Variants in GABRG3 observed in about 807,000 individuals in gnomAD.
GABRG3 encodes the protein gamma-aminobutyric acid type A receptor subunit gamma3, also known as gamma-aminobutyric acid receptor subunit gamma-3.
Under a neutral mutation model 48.8 loss-of-function variants are expected in GABRG3, and 25 were observed. The observed-to-expected ratio is 0.51, with a 90% confidence interval of 0.37 to 0.72. GABRG3 has a LOEUF of 0.72. GABRG3 is among the 30% of genes least tolerant of loss of function. The probability of loss-of-function intolerance (pLI) is 0.00; values close to 1 mark genes in which losing one functional copy is unlikely to be tolerated. For missense variants in GABRG3, 394 were observed against 577.9 expected (o/e 0.68, Z 3.26); for synonymous variants, 227 against 217.6 (o/e 1.04, Z -0.38).
At chr15:27,022,181 G>A (rs1370789067) in intron 2 of GABRG3, among the ~76,000 whole-genome samples, 1 of 152,122 alleles carries the variant, frequency 6.6e-6, no homozygotes, top group Non-Finnish European at 1.5e-5. Context: ...AAATCATGCT[G>A]TCATAAGTCT....
At chr15:27,371,540 A>G (rs1193493291) in intron 5 of GABRG3, among the ~76,000 whole-genome samples, 1 of 152,206 alleles carries the variant, frequency 6.6e-6, no homozygotes, top group African/African-American at 2.4e-5. Flanking sequence ...TCTAGTTAAT[A>G]ATGCAAATCA....
intron 3 of GABRG3, among the ~76,000 whole-genome samples, chr15:27,088,198 G>A (rs1261657757): frequency 6.6e-6 from 1 of 150,382 alleles, no homozygotes; most frequent in Non-Finnish European, 1.5e-5. Context: ...CCTTGCAGGC[G>A]GGCTCACGTT....
At chr15:27,453,305 C>T (rs1033321581) in intron 5 of GABRG3, among the ~76,000 whole-genome samples, 7 of 152,032 alleles carry the variant, frequency 4.6e-5, no homozygotes, top group South Asian at 2.1e-4. Context: ...TACTCACATA[C>T]GAAGGTAACT....
At chr15:27,167,462 TCACTGTCTGCTTCAG>T (rs1276785623) in intron 3 of GABRG3, among the ~76,000 whole-genome samples, 2 of 152,216 alleles carry the variant, frequency 1.3e-5, no homozygotes, top group Non-Finnish European at 2.9e-5. Flanking sequence ...TTAGCTGTGC[TCACTGTCTGCTTCAG>T]CACTGCCTGC....
rs1408302853 is a variant in GABRG3, at chr15:26,979,281, T to C, written c.202+2131T>C. 7.2e-5 allele frequency among the ~76,000 whole-genome samples: 11 copies of C among 152,354 alleles called. No homozygotes were observed. In the East Asian group the frequency reaches 2.1e-3, roughly 29 times the overall value. On this transcript the variant is annotated intron_variant, in intron 2 of 9. Transcript: ENST00000615808. Reference sequence around the variant, plus strand: ...TTTTCTATGTACACCATCATTGTCATCTGCAAATAAGGAGAGTGTTCATTC... The same window carrying C: ...TTTTCTATGTACACCATCATTGTCACCTGCAAATAAGGAGAGTGTTCATTC...
intron 5 of GABRG3, among the ~76,000 whole-genome samples, chr15:27,376,325 A>G (rs1166878389): frequency 6.6e-6 from 1 of 152,294 alleles, no homozygotes; most frequent in East Asian, 1.9e-4. Context: ...CACGATGCAA[A>G]CCATCAGTGG....
At chr15:27,054,365 C>T (rs990028243) in intron 3 of GABRG3, among the ~76,000 whole-genome samples, 4 of 152,114 alleles carry the variant, frequency 2.6e-5, no homozygotes, top group South Asian at 4.1e-4. Context: ...CTCAGCATCA[C>T]GAAACATATC....
chr15:27,095,643 G>T (rs993966591), intron 3 of GABRG3, among the ~76,000 whole-genome samples: 36 of 152,134 alleles, frequency 2.4e-4, no homozygotes, highest in African/African-American at 8.4e-4. Flanking sequence ...CCACAGCATG[G>T]GAGAGGAGAC....
At chr15:27,455,751 TGTG>T (rs1277665019) in intron 5 of GABRG3, among the ~76,000 whole-genome samples, 21 of 151,610 alleles carry the variant, frequency 1.4e-4, no homozygotes, top group African/African-American at 3.6e-4. Context: ...GTGGTGTGTG[TGTG>T]GTGTGTATGT....
intron 5 of GABRG3, among the ~76,000 whole-genome samples, chr15:27,451,240 A>G (rs1417978103): frequency 1.3e-5 from 2 of 152,202 alleles, no homozygotes; most frequent in Non-Finnish European, 2.9e-5. Flanking sequence ...AACAATTCTC[A>G]TAAAGAACAA....
chr15:27,517,608 A>T (rs1891053589), intron 6 of GABRG3, among the ~76,000 whole-genome samples: 1 of 152,166 alleles, frequency 6.6e-6, no homozygotes, highest in East Asian at 1.9e-4. Flanking sequence ...GATAAATGAA[A>T]TTACTCTTTG....
At chr15:27,393,495 C>T (rs930100328) in intron 5 of GABRG3, among the ~76,000 whole-genome samples, 4 of 152,182 alleles carry the variant, frequency 2.6e-5, no homozygotes, top group Non-Finnish European at 4.4e-5. Context: ...TACATATACA[C>T]ATACATATAA....
chr15:27,521,397 CTGTT>C (rs1472355222), intron 7 of GABRG3, among the ~76,000 whole-genome samples: 3 of 152,100 alleles, frequency 2.0e-5, no homozygotes, highest in Non-Finnish European at 2.9e-5. Context: ...AGTAAATTAA[CTGTT>C]TGTCAGAAGA....
chr15:27,089,544 C>T (rs1173350453), intron 3 of GABRG3, among the ~76,000 whole-genome samples: 2 of 152,108 alleles, frequency 1.3e-5, no homozygotes, highest in African/African-American at 4.8e-5. Flanking sequence ...AGTTCGGAGA[C>T]AAGCATGTGT....
chr15:27,293,875 C>G (rs775102004), intron 3 of GABRG3, among the ~76,000 whole-genome samples: 14 of 152,188 alleles, frequency 9.2e-5, no homozygotes, highest in Non-Finnish European at 1.6e-4. Context: ...GACAGGAATC[C>G]CTATGTCCAG....
At chr15:27,000,480 G>C (rs753788315) in intron 2 of GABRG3, among the ~76,000 whole-genome samples, 1 of 152,158 alleles carries the variant, frequency 6.6e-6, no homozygotes, top group African/African-American at 2.4e-5. Context: ...ATATTCAATT[G>C]TAATTCCCAG....
intron 9 of GABRG3, among the ~76,000 whole-genome samples, chr15:27,531,412 T>C (rs1356346532): frequency 6.6e-6 from 1 of 152,214 alleles, no homozygotes. Context: ...CCATGTCTTC[T>C]TGGAATCGTA....
At chr15:27,395,912 G>A (rs1887284088) in intron 5 of GABRG3, among the ~76,000 whole-genome samples, 1 of 152,088 alleles carries the variant, frequency 6.6e-6, no homozygotes, top group African/African-American at 2.4e-5. Flanking sequence ...CCAGGCTGGA[G>A]TGCAGTGGCA....
chr15:27,417,136 G>A (rs1307229781), intron 5 of GABRG3, among the ~76,000 whole-genome samples: 2 of 152,152 alleles, frequency 1.3e-5, no homozygotes, highest in African/African-American at 4.8e-5. Context: ...GGTGCTGCTG[G>A]TATGCAGTGG....
Sources: gnomAD v4.1 joint callset for allele counts (sites outside exome capture counted in the v4.1 genomes callset) on GRCh38, gnomAD v4.1.1 for gene constraint, MANE v1.5 for transcripts, NCBI Gene and HGNC (gene_info 2026-07-23, HGNC 2026-07-21) for gene names.